The following SYNJ1 variants were observed in gnomAD, a reference collection of about 807,000 sequenced individuals.
SYNJ1 encodes the protein synaptojanin 1.
SYNJ1 carries 78 observed loss-of-function variants against 168.2 expected under a neutral mutation model. That is an observed-to-expected ratio of 0.46 (90% CI 0.39 to 0.56). The LOEUF (loss-of-function observed/expected upper bound fraction) is 0.56. Ranked by LOEUF, SYNJ1 falls within the 20% of genes least tolerant of loss-of-function variation. SYNJ1 has a pLI of 0.00. For missense variants in SYNJ1, 1,303 were observed against 1,597.6 expected (o/e 0.82, Z 3.14); for synonymous variants, 539 against 548.6 (o/e 0.98, Z 0.24).
In SYNJ1 at chr21:32,646,383, A is replaced by C; in HGVS notation, c.3247+10T>G. 1.9e-6 allele frequency: 3 copies of C among 1,610,104 alleles called. No individual in the cohort carries two copies. The highest frequency in any genetic ancestry group is 2.5e-6 in the Non-Finnish European group (3 of 1,177,272). ...GGAAGCCATACAAAACTTTCAAATA[A>C]AATGCATACTCTGTGCACTGGGAGG... On this transcript the variant is annotated intron_variant, in intron 24 of 32. Transcript: ENST00000674351.
At chr21:32,705,368 G>A (rs1248753183) in intron 2 of SYNJ1, among the ~76,000 whole-genome samples, 1 of 152,078 alleles carries the variant, frequency 6.6e-6, no homozygotes, top group Non-Finnish European at 1.5e-5. Flanking sequence ...CCACTAAAAG[G>A]AACTACTAGC....
chr21:32,631,080 A>G lies in SYNJ1; in HGVS notation c.*725T>C. ...TACTGGAGGGCTGGTGCCGGGCGGG[A>G]GCAGAGGGACAGGAGGTGGAGGAGG... On this transcript the variant is annotated 3_prime_UTR_variant, in exon 33 of 33. Coordinates refer to ENST00000674351, the MANE Select transcript of SYNJ1 (RefSeq NM_203446.3). 6.2e-7 allele frequency: 1 copy of G among 1,614,152 alleles called. No homozygotes were observed. The highest frequency in any genetic ancestry group is 8.5e-7 in the Non-Finnish European group (1 of 1,180,024).
At chr21:32,646,881 G>A (rs1462430758) in intron 23 of SYNJ1, among the ~76,000 whole-genome samples, 3 of 152,124 alleles carry the variant, frequency 2.0e-5, no homozygotes, top group Non-Finnish European at 4.4e-5. Context: ...ATATGCCCCA[G>A]AGCAGCTTCT....
chr21:32,649,295 A>G (rs1180650448), intron 23 of SYNJ1, among the ~76,000 whole-genome samples: 1 of 152,250 alleles, frequency 6.6e-6, no homozygotes, highest in Non-Finnish European at 1.5e-5. Flanking sequence ...AAATGAACAG[A>G]TAATGTGAAA....
intron 9 of SYNJ1, among the ~76,000 whole-genome samples, chr21:32,684,983 T>C (rs1335446045): frequency 6.7e-6 from 1 of 150,084 alleles, no homozygotes; most frequent in African/African-American, 2.5e-5. Flanking sequence ...ATCGAGACCA[T>C]CCTGGCTAAC....
intron 2 of SYNJ1, among the ~76,000 whole-genome samples, chr21:32,708,116 T>C (rs1337676131): frequency 6.6e-6 from 1 of 152,154 alleles, no homozygotes; most frequent in Non-Finnish European, 1.5e-5. Flanking sequence ...CTGGAAACTT[T>C]CAAATGTGTA....
chr21:32,664,410 C>A (rs1356327970), intron 18 of SYNJ1, among the ~76,000 whole-genome samples: 1 of 152,208 alleles, frequency 6.6e-6, no homozygotes, highest in African/African-American at 2.4e-5. Flanking sequence ...GATAGCCCAG[C>A]ACTGTGCCCT....
rs2043489409 is a variant in SYNJ1 at position 32,727,060 on chromosome 21, G to A, written c.-22-143C>T. 3 of 1,137,966 alleles carry A rather than the reference G, an allele frequency of 2.6e-6. No homozygotes were observed. The Admixed American group carries it at 8.8e-5, about 33-fold the overall frequency. The allele number at this position is 1,137,966 out of a possible 1,614,324, so 70.5% of individuals were successfully genotyped here. A position where few individuals can be genotyped will look rare whatever the true frequency, so the allele number is the denominator to read the frequency against. On this transcript the variant is annotated intron_variant, in intron 1 of 32. Transcript: ENST00000674351. ...AAACAGACAGCTCTGGGAGAAAATG[G>A]CTTTTTCCAAAAGATAAGTCGTCAC...
At chr21:32,715,464 ACT>A (rs769443353) in intron 2 of SYNJ1, among the ~76,000 whole-genome samples, 28 of 151,294 alleles carry the variant, frequency 1.9e-4, no homozygotes, top group Non-Finnish European at 4.1e-4. Context: ...ACAAAGTGAG[ACT>A]CTGTCTCAAA....
In SYNJ1 at chr21:32,657,697, A is replaced by G; in HGVS notation, c.2461+19T>C. The stretch of plus-strand genomic sequence containing the variant: ...AAGTTTACATTAGTTCATTTAAATA[A>G]AGAAGCCCATTTCCCAACCTGATCT... On this transcript the variant is annotated intron_variant, in intron 19 of 32. Transcript: ENST00000674351. 1 of 1,571,862 alleles carries G rather than the reference A, an allele frequency of 6.4e-7. No individual in the cohort carries two copies. Among genetic ancestry groups the G allele is most frequent in the Non-Finnish European group, 8.6e-7 (1 of 1,165,108 alleles).
chr21:32,660,872 C>T (rs1434426646), intron 18 of SYNJ1, among the ~76,000 whole-genome samples: 1 of 152,146 alleles, frequency 6.6e-6, no homozygotes, highest in Non-Finnish European at 1.5e-5. Context: ...GTGTGGAAAC[C>T]TCAGAAGGTG....
At chr21:32,656,438 T>C (rs747027357) in intron 21 of SYNJ1, among the ~76,000 whole-genome samples, 1 of 152,098 alleles carries the variant, frequency 6.6e-6, no homozygotes, top group African/African-American at 2.4e-5. Context: ...GGTGAGACCC[T>C]GTCTTAAAAA....
intron 4 of SYNJ1, 48 bp downstream of exon 4, chr21:32,699,790 C>A (rs562029912): frequency 1.3e-6 from 2 of 1,575,102 alleles, no homozygotes; most frequent in East Asian, 2.2e-5. Flanking sequence ...TGAACAACTG[C>A]TGAACATATT....
Position 32,645,895 on chromosome 21 carries a change from G to A in SYNJ1, c.3248-106C>T, listed in dbSNP as rs1256889830. On this transcript the variant is annotated intron_variant, in intron 24 of 32. Coordinates refer to ENST00000674351, the MANE Select transcript of SYNJ1 (RefSeq NM_203446.3). ...AATGTTCTATAAAATGTGCACAATGGTGTAAAGAAAGGGCATGTATTTTCA... is the reference window on the plus strand; with the variant it reads ...AATGTTCTATAAAATGTGCACAATGATGTAAAGAAAGGGCATGTATTTTCA... 14 of 1,467,190 alleles carry A rather than the reference G, an allele frequency of 9.5e-6. No homozygotes were observed. The Middle Eastern group carries it at 6.8e-4, about 72-fold the overall frequency. The allele number at this position is 1,467,190 out of a possible 1,614,324, so 90.9% of individuals were successfully genotyped here.
chr21:32,659,844 C>T (rs943007380), intron 18 of SYNJ1, among the ~76,000 whole-genome samples: 18 of 152,264 alleles, frequency 1.2e-4, no homozygotes, highest in Admixed American at 3.9e-4. Context: ...GTTCCCCGAC[C>T]GGGAAGTGAG....
chr21:32,651,132 G>T (rs981631394), intron 22 of SYNJ1, among the ~76,000 whole-genome samples: 1 of 152,142 alleles, frequency 6.6e-6, no homozygotes, highest in Non-Finnish European at 1.5e-5. Context: ...CACTAGAAAG[G>T]AGTTCTCATT....
At chr21:32,716,022 C>T (rs2043011504) in intron 2 of SYNJ1, among the ~76,000 whole-genome samples, 1 of 152,172 alleles carries the variant, frequency 6.6e-6, no homozygotes, top group African/African-American at 2.4e-5. Context: ...CGTAACACTA[C>T]TGATCAGCAA....
chr21:32,679,144 A>G lies in SYNJ1; in HGVS notation c.1354-343T>C, dbSNP rs181924891. Among the ~76,000 whole-genome samples, 348 of 152,332 alleles carry G rather than the reference A, an allele frequency of 2.3e-3. 3 individuals are homozygous for G. The highest frequency in any genetic ancestry group is 1.2e-3 in the East Asian group (6 of 5,190). ...TAAAACAAGAAAATTCCTTCTTACA[A>G]GGTAATTTGTAAACTTGGGGATAAA... On this transcript the variant is annotated intron_variant, in intron 11 of 32. Coordinates refer to ENST00000674351, the MANE Select transcript of SYNJ1 (RefSeq NM_203446.3).
At position 32,650,306 on chromosome 21, in the gene SYNJ1, T is replaced by A. The variant is rs1197106827; in HGVS notation, c.2915A>T (p.Asp972Val). Reference sequence around the variant, plus strand: ...TTCTTCTTCCAAATTTTTGATCCAGTCTGGACTTTTTAAAGCAATAGTTAT... The same window carrying A: ...TTCTTCTTCCAAATTTTTGATCCAGACTGGACTTTTTAAAGCAATAGTTAT... ...RTITIALKSP[D>V]WIKNLEEEMS... Residue 972 changes from aspartate (D) to valine (V), a missense_variant, in exon 23 of 33, where the codon GAC becomes GTC. By Grantham distance (152) the Asp-to-Val change is radical. Transcript: ENST00000674351. The A allele has an allele frequency of 3.7e-6, 6 of 1,613,512 alleles. No homozygotes were observed. The highest frequency in any genetic ancestry group is 1.3e-5 in the African/African-American group (1 of 74,890).
Sources: gnomAD v4.1 joint callset for allele counts (sites outside exome capture counted in the v4.1 genomes callset) on GRCh38, gnomAD v4.1.1 for gene constraint, MANE v1.5 for transcripts, NCBI Gene and HGNC (gene_info 2026-07-23, HGNC 2026-07-21) for gene names.